The following AK7 variants were observed in gnomAD, a reference collection of about 807,000 sequenced individuals.
AK7 encodes the protein ATP-AMP transphosphorylase 7.
AK7 carries 78 observed loss-of-function variants against 96.6 expected under a neutral mutation model. That is an observed-to-expected ratio of 0.81 (90% CI 0.67 to 0.97). The LOEUF is 0.97. Among genes scored for constraint, AK7 ranks in the 50% least tolerant of loss-of-function variants. The probability of loss-of-function intolerance (pLI) is 0.00; values close to 1 mark genes in which losing one functional copy is unlikely to be tolerated. For missense variants in AK7, 855 were observed against 887.9 expected (o/e 0.96, Z 0.47); for synonymous variants, 302 against 317.2 (o/e 0.95, Z 0.51).
At chr14:96,406,017 G>T (rs960007364) in intron 3 of AK7, among the ~76,000 whole-genome samples, 2 of 151,196 alleles carry the variant, frequency 1.3e-5, no homozygotes, top group African/African-American at 4.9e-5. Context: ...TGTTTAGTAA[G>T]ATGGTGCCTT....
At chr14:96,430,119 T>G (rs1438306910) in intron 5 of AK7, among the ~76,000 whole-genome samples, 2 of 152,146 alleles carry the variant, frequency 1.3e-5, no homozygotes, top group Non-Finnish European at 2.9e-5. Flanking sequence ...TAGCTCTTAT[T>G]ATTTTGAGAT....
At position 96,419,784 on chromosome 14, in the gene AK7, C is replaced by CTTTTTTT. The variant is rs11449244; in HGVS notation, c.499-1034_499-1033insTTTTTTT. 3.3e-4 allele frequency among the ~76,000 whole-genome samples: 34 copies of CTTTTTTT among 101,708 alleles called. 3 individuals carry two copies. Among genetic ancestry groups the CTTTTTTT allele is most frequent in the African/African-American group, 1.1e-3 (23 of 21,106 alleles). The allele number at this position is 101,708 out of a possible 152,430, so 66.7% of individuals were successfully genotyped here. On this transcript the variant is annotated intron_variant, in intron 4 of 17. Coordinates refer to ENST00000267584, the MANE Select transcript of AK7 (RefSeq NM_152327.5). ...TCTCCTAAAGCATTTTTTTTTCTTT[C>CTTTTTTT]TTTTCTTTTTTTTTTTTTTTTGAGA...
chr14:96,428,521 T>C (rs1892162709), intron 5 of AK7, among the ~76,000 whole-genome samples: 1 of 152,234 alleles, frequency 6.6e-6, no homozygotes, highest in Admixed American at 6.5e-5. Flanking sequence ...TAGTTCTAGA[T>C]CCTTGAGGAA....
chr14:96,450,879 A>T (rs1893562267), intron 9 of AK7, among the ~76,000 whole-genome samples: 1 of 141,384 alleles, frequency 7.1e-6, no homozygotes, highest in Non-Finnish European at 1.5e-5. Flanking sequence ...GGTTCACGCC[A>T]TTCTCCTGCC....
At chr14:96,403,919 C>T (rs927371938) in intron 2 of AK7, among the ~76,000 whole-genome samples, 2 of 151,696 alleles carry the variant, frequency 1.3e-5, no homozygotes, top group Non-Finnish European at 2.9e-5. Flanking sequence ...CCAAGGTGGG[C>T]AGATCACCAG....
At position 96,478,661 on chromosome 14, in the gene AK7, T is replaced by A. The variant is rs772475181; in HGVS notation, c.1752T>A (p.Ile584=). 2 of 1,613,218 alleles carry A rather than the reference T, an allele frequency of 1.2e-6. No homozygotes were observed. Among genetic ancestry groups the A allele is most frequent in the Non-Finnish European group, 1.7e-6 (2 of 1,179,480 alleles). ...AACTTGAAATTCACCCGATACATATTGGTATGAAATGAATTCAAGGATAAT... is the reference window on the plus strand; with the variant it reads ...AACTTGAAATTCACCCGATACATATAGGTATGAAATGAATTCAAGGATAAT... The part of the protein sequence containing the change: ...FDELEIHPIH[I]DVGKLEDAQN... Residue 584 remains isoleucine (I), a splice_region_variant and synonymous_variant, in exon 15 of 18, where the codon ATT becomes ATA. Coordinates refer to ENST00000267584, the MANE Select transcript of AK7 (RefSeq NM_152327.5).
intron 12 of AK7, 22 bp downstream of exon 12, chr14:96,458,234 G>A (rs750789385): frequency 3.7e-6 from 6 of 1,611,420 alleles, no homozygotes; most frequent in African/African-American, 1.3e-5. Flanking sequence ...CCAGCAGAGA[G>A]CCACGCTGCT....
chr14:96,444,462 A>T (rs371809385), intron 7 of AK7, among the ~76,000 whole-genome samples: 6 of 152,168 alleles, frequency 3.9e-5, no homozygotes, highest in African/African-American at 4.8e-5. Context: ...TTTTGGAGTA[A>T]GTTCTTGTAC....
intron 5 of AK7, chr14:96,421,445 A>G (rs906420651): frequency 6.6e-6 from 1 of 152,190 alleles, no homozygotes; most frequent in African/African-American, 2.4e-5. Flanking sequence ...TGATGTCCTC[A>G]GCGCATTTCC....
intron 4 of AK7, among the ~76,000 whole-genome samples, chr14:96,415,501 T>A (rs1408937800): frequency 6.6e-6 from 1 of 151,550 alleles, no homozygotes; most frequent in African/African-American, 2.4e-5. Flanking sequence ...AGTAAACTCT[T>A]GGAAAAAAGA....
chr14:96,453,229 GAT>G (rs1465928967), intron 10 of AK7, among the ~76,000 whole-genome samples: 2 of 152,146 alleles, frequency 1.3e-5, no homozygotes, highest in African/African-American at 4.8e-5. Context: ...GTTATCCTGA[GAT>G]ATACACCAAC....
chr14:96,412,498 G>A (rs956104359), intron 4 of AK7, among the ~76,000 whole-genome samples: 5 of 151,236 alleles, frequency 3.3e-5, no homozygotes, highest in African/African-American at 9.7e-5. Flanking sequence ...AAAGTGCTGG[G>A]GTTACAGACA....
At chr14:96,466,958 C>T (rs1402137376) in intron 12 of AK7, among the ~76,000 whole-genome samples, 1 of 151,026 alleles carries the variant, frequency 6.6e-6, no homozygotes, top group Non-Finnish European at 1.5e-5. Context: ...AATGCACATT[C>T]TGCATGCACA....
At chr14:96,394,399 ATG>A (rs1227103205) in intron 1 of AK7, among the ~76,000 whole-genome samples, 1 of 152,192 alleles carries the variant, frequency 6.6e-6, no homozygotes, top group Non-Finnish European at 1.5e-5. Flanking sequence ...GAGTCAATGA[ATG>A]TGTTTTTCTT....
At chr14:96,441,171 G>A (rs890375789) in intron 6 of AK7, among the ~76,000 whole-genome samples, 2 of 152,154 alleles carry the variant, frequency 1.3e-5, no homozygotes, top group Admixed American at 1.3e-4. Flanking sequence ...GGCCGAGGAA[G>A]CAATCAGATA....
intron 10 of AK7, among the ~76,000 whole-genome samples, chr14:96,452,151 C>T (rs1055667858): frequency 1.3e-5 from 2 of 152,082 alleles, no homozygotes; most frequent in African/African-American, 2.4e-5. Flanking sequence ...AGATTATATA[C>T]ATGTATCCTG....
At chr14:96,466,009 C>A (rs868090311) in intron 12 of AK7, among the ~76,000 whole-genome samples, 417 of 107,472 alleles carry the variant, frequency 3.9e-3, no homozygotes, top group Middle Eastern at 0.014. Context: ...GACTCCATCT[C>A]AAAAAAAAAA....
At chr14:96,400,611 G>A (rs1890354401) in intron 2 of AK7, among the ~76,000 whole-genome samples, 1 of 152,186 alleles carries the variant, frequency 6.6e-6, no homozygotes, top group African/African-American at 2.4e-5. Flanking sequence ...TGGCAGTAAG[G>A]CTGCAACAGT....
At chr14:96,463,361 G>A (rs1183443303) in intron 12 of AK7, among the ~76,000 whole-genome samples, 1 of 152,070 alleles carries the variant, frequency 6.6e-6, no homozygotes, top group Non-Finnish European at 1.5e-5. Context: ...CTTAGTTCCT[G>A]ACTTCAGACC....
Sources: allele counts gnomAD v4.1 joint callset (sites outside exome capture counted in the v4.1 genomes callset), GRCh38; gene constraint gnomAD v4.1.1; transcripts MANE v1.5; gene names NCBI Gene and HGNC (gene_info 2026-07-23, HGNC 2026-07-21).